ATP8A2: variants seen among roughly 807,000 people sequenced by gnomAD.
ATP8A2 encodes the protein ATPase phospholipid transporting 8A2.
Under a neutral mutation model 165.6 loss-of-function variants are expected in ATP8A2, and 100 were observed. That is an observed-to-expected ratio of 0.60 (90% CI 0.51 to 0.71). The LOEUF (loss-of-function observed/expected upper bound fraction) is 0.71, where lower values mean the gene tolerates loss of function less well. Among genes scored for constraint, ATP8A2 ranks in the 30% least tolerant of loss-of-function variants. The pLI, the probability that ATP8A2 is intolerant of heterozygous loss-of-function variation, is 0.00. For synonymous variants in ATP8A2, 543 were observed against 548.8 expected, an observed-to-expected ratio of 0.99 and a Z score of 0.15; for missense variants, 1,227 against 1,479.5, an observed-to-expected ratio of 0.83 and a Z score of 2.80.
chr13:25,424,870 A>T (rs1012346861), intron 1 of ATP8A2, among the ~76,000 whole-genome samples: 2 of 152,176 alleles, frequency 1.3e-5, no homozygotes, highest in African/African-American at 4.8e-5. Flanking sequence ...AGGCAGGAGA[A>T]CTGCTTGAAC....
chr13:25,883,213 T>C (rs1027787803), intron 33 of ATP8A2, among the ~76,000 whole-genome samples: 1 of 152,056 alleles, frequency 6.6e-6, no homozygotes, highest in Non-Finnish European at 1.5e-5. Flanking sequence ...CTCCAGTGTG[T>C]GGCATGCTTT....
rs1022256518 is a variant in ATP8A2 at position 25,532,045 on chromosome 13, C to T, written c.421-227C>T. Among the ~76,000 whole-genome samples the T allele has an allele frequency of 1.1e-4, 17 of 152,262 alleles. No homozygotes were observed. The South Asian group carries it at 2.7e-3, about 24-fold the overall frequency. The stretch of plus-strand genomic sequence containing the variant: ...AAAGCAAGGAGTGAAAAGTTTTGTA[C>T]TTCCAAGTGCTAGAACCAAAATAAA... On this transcript the variant is annotated intron_variant, in intron 4 of 36. Transcript: ENST00000381655.
At chr13:25,815,554 T>C (rs900130244) in intron 27 of ATP8A2, among the ~76,000 whole-genome samples, 3 of 152,196 alleles carry the variant, frequency 2.0e-5, no homozygotes, top group African/African-American at 7.2e-5. Context: ...ACAGAGTATG[T>C]AGATAAGTTG....
chr13:25,815,248 C>G (rs1193425961), intron 27 of ATP8A2, among the ~76,000 whole-genome samples: 4 of 152,064 alleles, frequency 2.6e-5, no homozygotes, highest in Admixed American at 2.6e-4. Flanking sequence ...ATTCTATCAA[C>G]AGAGTGAAAA....
intron 33 of ATP8A2, among the ~76,000 whole-genome samples, chr13:25,926,208 G>A (rs1954600958): frequency 1.3e-5 from 2 of 152,100 alleles, no homozygotes; most frequent in African/African-American, 2.4e-5. Context: ...ACTTTCCCTT[G>A]TACTCTGTGC....
chr13:25,722,728 A>C (rs1451634693), intron 25 of ATP8A2, among the ~76,000 whole-genome samples: 1 of 152,196 alleles, frequency 6.6e-6, no homozygotes, highest in Non-Finnish European at 1.5e-5. Context: ...ACAATAAAAT[A>C]AGTATTTTTT....
At chr13:25,682,775 C>A (rs973241323) in intron 24 of ATP8A2, among the ~76,000 whole-genome samples, 5 of 152,186 alleles carry the variant, frequency 3.3e-5, no homozygotes, top group Admixed American at 6.5e-5. Flanking sequence ...GAACTCCCCA[C>A]CCCGCCTGCC....
chr13:25,520,093 T>G (rs1369410740), intron 2 of ATP8A2, among the ~76,000 whole-genome samples: 1 of 152,202 alleles, frequency 6.6e-6, no homozygotes, highest in Non-Finnish European at 1.5e-5. Flanking sequence ...ACCCTGCTGA[T>G]CTTTCAAATA....
At chr13:25,954,931 A>G (rs1955483722) in intron 33 of ATP8A2, among the ~76,000 whole-genome samples, 1 of 152,236 alleles carries the variant, frequency 6.6e-6, no homozygotes, top group African/African-American at 2.4e-5. Context: ...AAAAACGAGA[A>G]TGCCTCTTCT....
At chr13:25,878,659 A>G (rs1046971735) in intron 33 of ATP8A2, among the ~76,000 whole-genome samples, 2 of 151,928 alleles carry the variant, frequency 1.3e-5, no homozygotes, top group Non-Finnish European at 2.9e-5. Context: ...ATTGTCTGGG[A>G]ATGCAAGCCC....
chr13:25,913,141 G>A (rs1593548704), intron 33 of ATP8A2, among the ~76,000 whole-genome samples: 1 of 152,176 alleles, frequency 6.6e-6, no homozygotes, highest in African/African-American at 2.4e-5. Context: ...GTACTGGATA[G>A]GCCATCTGTT....
intron 33 of ATP8A2, among the ~76,000 whole-genome samples, chr13:25,896,929 C>T (rs1023493516): frequency 6.6e-5 from 10 of 152,130 alleles, no homozygotes; most frequent in Non-Finnish European, 1.2e-4. Flanking sequence ...ATGTGTGTCT[C>T]TGCACGTGAG....
intron 33 of ATP8A2, among the ~76,000 whole-genome samples, chr13:25,889,826 T>C (rs1400493058): frequency 6.6e-6 from 1 of 152,140 alleles, no homozygotes; most frequent in Admixed American, 6.5e-5. Flanking sequence ...AGGTTTTTTT[T>C]CCTCAGATAC....
chr13:25,531,387 TATATATA>T (rs2038088549), intron 4 of ATP8A2, among the ~76,000 whole-genome samples: 1 of 66,564 alleles, frequency 1.5e-5, no homozygotes, highest in Non-Finnish European at 3.0e-5. Context: ...ATATATATGA[TATATATA>T]TGATTATATA....
intron 30 of ATP8A2, among the ~76,000 whole-genome samples, chr13:25,843,108 T>C (rs1050680163): frequency 2.0e-5 from 3 of 152,168 alleles, no homozygotes; most frequent in African/African-American, 7.2e-5. Flanking sequence ...CTGCCTCTCC[T>C]GCCCTCTGGA....
intron 30 of ATP8A2, among the ~76,000 whole-genome samples, chr13:25,841,275 A>G (rs1167441601): frequency 6.6e-6 from 1 of 152,246 alleles, no homozygotes; most frequent in Non-Finnish European, 1.5e-5. Flanking sequence ...TGAATTTTAA[A>G]TTAGTGCTAT....
intron 1 of ATP8A2, among the ~76,000 whole-genome samples, chr13:25,406,240 T>C (rs144799572): frequency 1.1e-3 from 172 of 152,302 alleles, no homozygotes; most frequent in African/African-American, 3.8e-3. Context: ...GGCAGAGAGA[T>C]GGTGGCATCC....
intron 24 of ATP8A2, among the ~76,000 whole-genome samples, chr13:25,625,138 G>A (rs2041069347): frequency 1.3e-5 from 2 of 152,148 alleles, no homozygotes; most frequent in African/African-American, 2.4e-5. Context: ...TGGATCTGAG[G>A]ATTATTCTTG....
chr13:25,719,435 G>A (rs2043324892), intron 25 of ATP8A2, among the ~76,000 whole-genome samples: 1 of 150,548 alleles, frequency 6.6e-6, no homozygotes. Flanking sequence ...GGTTGGGTGG[G>A]TGGATGGGTG....
Sources: gnomAD v4.1 joint callset for allele counts (sites outside exome capture counted in the v4.1 genomes callset) on GRCh38, gnomAD v4.1.1 for gene constraint, MANE v1.5 for transcripts, NCBI Gene and HGNC (gene_info 2026-07-23, HGNC 2026-07-21) for gene names.